Variants in PPP2R5A observed in about 807,000 individuals in gnomAD.
The protein encoded by PPP2R5A is serine/threonine-protein phosphatase 2A 56 kDa regulatory subunit alpha isoform.
In PPP2R5A, 25 loss-of-function variants were observed where a neutral mutation model predicts 64.2. The observed-to-expected ratio is 0.39, with a 90% CI of 0.28 to 0.54. The LOEUF is 0.54. Among genes scored for constraint, PPP2R5A ranks in the 20% least tolerant of loss-of-function variants. The pLI, the probability that PPP2R5A is intolerant of heterozygous loss-of-function variation, is 0.67. For missense variants in PPP2R5A, 425 were observed against 576.3 expected (o/e 0.74, Z 2.69); for synonymous variants, 198 against 201.2 (o/e 0.98, Z 0.13).
chr1:212,350,721 A>C (rs1659860257), intron 8 of PPP2R5A, among the ~76,000 whole-genome samples: 1 of 152,130 alleles, frequency 6.6e-6, no homozygotes, highest in South Asian at 2.1e-4. Context: ...AATTAAGAAA[A>C]AGAAAACCCA....
intron 2 of PPP2R5A, 102 bp downstream of exon 2, chr1:212,329,433 C>T: frequency 9.7e-7 from 1 of 1,031,350 alleles, no homozygotes; most frequent in Non-Finnish European, 1.4e-6. Flanking sequence ...ATAATTAATA[C>T]ATCCCCCAAA....
chr1:212,360,799 G>A lies in PPP2R5A; in HGVS notation c.*29G>A. 6.7e-7 allele frequency: 1 copy of A among 1,495,704 alleles called. No individual in the cohort carries two copies. The highest frequency in any genetic ancestry group is 8.9e-7 in the Non-Finnish European group (1 of 1,124,260). 92.7% of individuals were successfully genotyped at this position (1,495,704 alleles called of 1,614,324 possible). A position where few individuals can be genotyped will look rare whatever the true frequency, so the allele number is the denominator to read the frequency against. On this transcript the variant is annotated 3_prime_UTR_variant, in exon 13 of 13. Coordinates refer to ENST00000261461, the MANE Select transcript of PPP2R5A (RefSeq NM_006243.4). The stretch of plus-strand genomic sequence containing the variant: ...AAAAGCCTCCCACCTCTGCCGGATA[G>A]GCAGAGTTTTGTATGCTTTTTTGAA...
chr1:212,322,978 G>T (rs1356340464), intron 1 of PPP2R5A, among the ~76,000 whole-genome samples: 1 of 152,090 alleles, frequency 6.6e-6, no homozygotes, highest in East Asian at 1.9e-4. Flanking sequence ...AGTAGAGACG[G>T]TGTTTCACCG....
At chr1:212,343,834 T>C (rs1659728999) in intron 4 of PPP2R5A, among the ~76,000 whole-genome samples, 1 of 152,212 alleles carries the variant, frequency 6.6e-6, no homozygotes, top group African/African-American at 2.4e-5. Context: ...AGTGCTTTGT[T>C]AGTCTAGAGC....
intron 1 of PPP2R5A, among the ~76,000 whole-genome samples, chr1:212,289,059 T>C (rs1658555607): frequency 6.6e-6 from 1 of 152,240 alleles, no homozygotes; most frequent in Non-Finnish European, 1.5e-5. Flanking sequence ...TTGAAAGTAT[T>C]TAATAAACAA....
intron 2 of PPP2R5A, among the ~76,000 whole-genome samples, chr1:212,332,108 T>C (rs1659515605): frequency 6.6e-6 from 1 of 152,238 alleles, no homozygotes; most frequent in Non-Finnish European, 1.5e-5. Flanking sequence ...GATGGCTTGC[T>C]GCTACTCTTT....
Position 212,360,672 on chromosome 1 carries a change from T to C in PPP2R5A, c.1363T>C (p.Trp455Arg). Reference sequence around the variant, plus strand: ...GAAGGAATTGGAACGTGAAGAATTATGGAAAAAATTAGAGGAGCTAAAGCT... The same window carrying C: ...GAAGGAATTGGAACGTGAAGAATTACGGAAAAAATTAGAGGAGCTAAAGCT... ...KKKELEREEL[W>R]KKLEELKLKK... Residue 455 changes from tryptophan to arginine, a missense_variant, in exon 13 of 13, where the codon TGG becomes CGG. Coordinates refer to ENST00000261461, the MANE Select transcript of PPP2R5A (RefSeq NM_006243.4). 1 of 1,585,898 alleles carries C rather than the reference T, an allele frequency of 6.3e-7. No individual in the cohort carries two copies. Among genetic ancestry groups the C allele is most frequent in the Non-Finnish European group, 8.6e-7 (1 of 1,167,758 alleles).
At chr1:212,331,532 C>T (rs900539461) in intron 2 of PPP2R5A, 10 of 151,982 alleles carry the variant, frequency 6.6e-5, no homozygotes, top group African/African-American at 2.4e-4. Flanking sequence ...GCTTAAACTC[C>T]TACAGACAAT....
intron 3 of PPP2R5A, chr1:212,333,967 A>G (rs1659550039): frequency 6.2e-6 from 1 of 162,070 alleles, no homozygotes; most frequent in African/African-American, 2.4e-5. Flanking sequence ...GACAACTACC[A>G]ATCTGCTTTC....
intron 8 of PPP2R5A, 45 bp from the exon 9 acceptor site, chr1:212,356,581 C>T (rs1402634311): frequency 1.3e-6 from 2 of 1,571,016 alleles, no homozygotes; most frequent in Non-Finnish European, 1.7e-6. Context: ...CTGGGATTAA[C>T]TAGCTTTGTT....
At chr1:212,295,246 A>T (rs545633528) in intron 1 of PPP2R5A, among the ~76,000 whole-genome samples, 3 of 152,270 alleles carry the variant, frequency 2.0e-5, no homozygotes, top group East Asian at 3.9e-4. Context: ...CCAAGTGGGG[A>T]TGGGGTGGTA....
intron 1 of PPP2R5A, chr1:212,306,781 A>T (rs1174672685): frequency 1.3e-5 from 2 of 151,892 alleles, no homozygotes; most frequent in African/African-American, 4.8e-5. Flanking sequence ...TTATTGAAAC[A>T]GAATCTTCCT....
At chr1:212,358,967 C>T (rs182665038) in intron 12 of PPP2R5A, among the ~76,000 whole-genome samples, 180 bp downstream of exon 12, 22 of 152,030 alleles carry the variant, frequency 1.4e-4, no homozygotes, top group African/African-American at 4.8e-4. Context: ...ATAAACTAGC[C>T]CCAGTATTTT....
In PPP2R5A at chr1:212,286,295, A is replaced by G. The variant is rs1489828553; in HGVS notation, c.181+4A>G. ...CACCCGCTGCCCCAGCTCAAAGGTA[A>G]CCTCCGAGGGCGCAGCCCCAGCAGC... On this transcript the variant is annotated splice_donor_region_variant and intron_variant, in intron 1 of 12. Coordinates refer to ENST00000261461, the MANE Select transcript of PPP2R5A (RefSeq NM_006243.4). 1.3e-6 allele frequency: 2 copies of G among 1,505,834 alleles called. No individual in the cohort carries two copies. Among genetic ancestry groups the G allele is most frequent in the Non-Finnish European group, 1.8e-6 (2 of 1,127,310 alleles). 93.3% of individuals were successfully genotyped at this position (1,505,834 alleles called of 1,614,324 possible). A position where few individuals can be genotyped will look rare whatever the true frequency, so the allele number is the denominator to read the frequency against.
At chr1:212,323,362 T>C (rs1342325163) in intron 1 of PPP2R5A, among the ~76,000 whole-genome samples, 1 of 152,226 alleles carries the variant, frequency 6.6e-6, no homozygotes, top group African/African-American at 2.4e-5. Context: ...GAATTGTCTT[T>C]GGAATGAAGT....
chr1:212,307,360 A>G (rs1352142868), intron 1 of PPP2R5A, among the ~76,000 whole-genome samples: 1 of 151,892 alleles, frequency 6.6e-6, no homozygotes, highest in East Asian at 1.9e-4. Flanking sequence ...TGAGATGTAG[A>G]ATCATTATTC....
chr1:212,329,287 C>T lies in PPP2R5A; in HGVS notation c.334C>T (p.Arg112Cys), dbSNP rs1659459507. The stretch of plus-strand genomic sequence containing the variant: ...ACTGGTTGAGTATGTTTCAACTAAT[C>T]GTGGTGTAATTGTTGAATCAGCGTA... ...NELVEYVSTN[R>C]GVIVESAYSD... Residue 112 changes from arginine to cysteine, a missense_variant, in exon 2 of 13, where the codon CGT (arginine) becomes TGT (cysteine). Coordinates refer to ENST00000261461, the MANE Select transcript of PPP2R5A (RefSeq NM_006243.4). The T allele has an allele frequency of 1.2e-6, 2 of 1,607,958 alleles. No individual in the cohort carries two copies. Among genetic ancestry groups the T allele is most frequent in the Non-Finnish European group, 1.7e-6 (2 of 1,178,216 alleles).
chr1:212,309,406 T>A, intron 1 of PPP2R5A: 2 of 1,355,164 alleles, frequency 1.5e-6, no homozygotes, highest in Non-Finnish European at 2.1e-6. Flanking sequence ...GCGGATCTTC[T>A]TTTTTTTGTG....
rs751228809 is a variant in PPP2R5A at position 212,316,587 on chromosome 1, CTTTTTTTTTTT to C, written c.182-12532_182-12522del. On this transcript the variant is annotated intron_variant, in intron 1 of 12. Coordinates refer to ENST00000261461, the MANE Select transcript of PPP2R5A (RefSeq NM_006243.4). ...ATGGATATTTAACCTTTGTGGGTGA[CTTTTTTTTTTT>C]TTTTTTTTTTTTTTTAATCTGAAAG... Among the ~76,000 whole-genome samples the C allele has an allele frequency of 3.0e-4, 11 of 36,670 alleles. 2 individuals are homozygous for C. The highest frequency in any genetic ancestry group is 4.0e-4 in the African/African-American group (5 of 12,400). The allele number at this position is 36,670 out of a possible 152,430, so 24.1% of individuals were successfully genotyped here.
Sources: gnomAD v4.1 joint callset for allele counts (sites outside exome capture counted in the v4.1 genomes callset) on GRCh38, gnomAD v4.1.1 for gene constraint, MANE v1.5 for transcripts, NCBI Gene and HGNC (gene_info 2026-07-23, HGNC 2026-07-21) for gene names.